SEMA3A: variants seen among roughly 807,000 people sequenced by gnomAD.
SEMA3A encodes semaphorin 3A, also known as semaphorin-3A.
In SEMA3A, 29 loss-of-function variants were observed where a neutral mutation model predicts 97.9. The ratio of observed to expected loss-of-function variants is 0.30; its 90% CI spans 0.22 to 0.40. The LOEUF (loss-of-function observed/expected upper bound fraction) is 0.40, where lower values mean the gene tolerates loss of function less well. Among genes scored for constraint, SEMA3A ranks in the 10% least tolerant of loss-of-function variants. SEMA3A has a pLI of 1.00. For synonymous variants in SEMA3A, 321 were observed against 323.7 expected, an observed-to-expected ratio of 0.99 and a Z score of 0.09; for missense variants, 763 against 951.3, an observed-to-expected ratio of 0.80 and a Z score of 2.60.
intron 1 of SEMA3A, among the ~76,000 whole-genome samples, chr7:84,149,576 C>T (rs17301441): frequency 0.16 from 23,796 of 152,146 alleles, 2,335 homozygotes; most frequent in South Asian, 0.27. Context: ...CAATGTCAAA[C>T]GTCAAATTCA....
chr7:84,291,426 T>C (rs1341957128), intron 3 of SEMA3A, among the ~76,000 whole-genome samples: 1 of 152,094 alleles, frequency 6.6e-6, no homozygotes, highest in Non-Finnish European at 1.5e-5. Flanking sequence ...TGGTGTATCT[T>C]ACATTCAATT....
At chr7:84,127,362 G>A (rs115654383) in intron 3 of SEMA3A, among the ~76,000 whole-genome samples, 3 of 151,750 alleles carry the variant, frequency 2.0e-5, no homozygotes, top group East Asian at 3.9e-4. Flanking sequence ...CCATTACTCC[G>A]ATGTTTCCTC....
At chr7:84,420,043 A>C (rs1190987487) in intron 1 of SEMA3A, among the ~76,000 whole-genome samples, 1 of 152,136 alleles carries the variant, frequency 6.6e-6, no homozygotes, top group African/African-American at 2.4e-5. Flanking sequence ...AAAGTTACTA[A>C]ATATATTTTT....
At chr7:84,019,482 G>A (rs1791238941) in intron 6 of SEMA3A, among the ~76,000 whole-genome samples, 1 of 151,470 alleles carries the variant, frequency 6.6e-6, no homozygotes. Flanking sequence ...AGGAAGGAAG[G>A]AGATATAGTT....
At chr7:84,359,639 C>G (rs373039165) in intron 2 of SEMA3A, among the ~76,000 whole-genome samples, 4 of 152,010 alleles carry the variant, frequency 2.6e-5, no homozygotes, top group East Asian at 1.9e-4. Context: ...GTATTAGGAT[C>G]ATGCTGGCCT....
chr7:84,262,325 C>T (rs565774385), intron 3 of SEMA3A, among the ~76,000 whole-genome samples: 29 of 152,144 alleles, frequency 1.9e-4, no homozygotes, highest in Admixed American at 3.3e-4. Context: ...AGCGATTCTC[C>T]TGCATCAGCC....
At chr7:84,486,890 C>T (rs1036153574) in intron 1 of SEMA3A, among the ~76,000 whole-genome samples, 3 of 151,626 alleles carry the variant, frequency 2.0e-5, no homozygotes, top group Admixed American at 2.0e-4. Flanking sequence ...TGCATCTCAC[C>T]AGAAAAAAAA....
chr7:84,451,434 A>C (rs1805551000), intron 1 of SEMA3A, among the ~76,000 whole-genome samples: 3 of 152,286 alleles, frequency 2.0e-5, no homozygotes, highest in African/African-American at 4.8e-5. Context: ...ATAACTCCTA[A>C]ATTGATTAAA....
At chr7:84,464,341 G>A (rs1300770883) in intron 1 of SEMA3A, among the ~76,000 whole-genome samples, 3 of 152,288 alleles carry the variant, frequency 2.0e-5, no homozygotes, top group Admixed American at 6.5e-5. Flanking sequence ...AAGTTATAAT[G>A]AAGTGACGAT....
chr7:84,133,655 T>C (rs1400837056), intron 2 of SEMA3A, among the ~76,000 whole-genome samples: 1 of 152,088 alleles, frequency 6.6e-6, no homozygotes, highest in Admixed American at 6.5e-5. Flanking sequence ...TTATCAGAAA[T>C]ACTGACTGTG....
intron 4 of SEMA3A, among the ~76,000 whole-genome samples, chr7:84,064,631 T>G (rs879862793): frequency 1.4e-3 from 214 of 151,338 alleles, no homozygotes; most frequent in Non-Finnish European, 2.3e-3. Context: ...TAGTCTCTGA[T>G]AAAACAGACT....
intron 1 of SEMA3A, among the ~76,000 whole-genome samples, chr7:84,391,305 T>C (rs1803568355): frequency 6.6e-6 from 1 of 152,052 alleles, no homozygotes; most frequent in Non-Finnish European, 1.5e-5. Flanking sequence ...AAGAACCTAG[T>C]AAAATCTGAG....
rs116379155 is a variant in SEMA3A, at chr7:84,153,311, A to C, written c.113-18360T>G. 5.4e-3 allele frequency among the ~76,000 whole-genome samples: 829 copies of C among 152,290 alleles called. 11 individuals carry two copies. Among genetic ancestry groups the C allele is most frequent in the African/African-American group, 0.019 (776 of 41,526 alleles). ...CAGGAGAGGCCTGTCATCCACATAC[A>C]TACAGTTGGTTATCATCTTTGTAGA... On this transcript the variant is annotated intron_variant, in intron 1 of 16. Transcript: ENST00000265362.
At chr7:84,251,225 T>C (rs557128961) in intron 3 of SEMA3A, among the ~76,000 whole-genome samples, 9 of 152,356 alleles carry the variant, frequency 5.9e-5, no homozygotes, top group African/African-American at 1.9e-4. Flanking sequence ...TCTGGTTCAA[T>C]ATCGTGTTTT....
At chr7:84,077,729 A>G (rs762206020) in intron 4 of SEMA3A, among the ~76,000 whole-genome samples, 6 of 152,068 alleles carry the variant, frequency 3.9e-5, no homozygotes, top group Non-Finnish European at 8.8e-5. Flanking sequence ...GTCAATTCTT[A>G]GCGATAATGC....
intron 4 of SEMA3A, among the ~76,000 whole-genome samples, chr7:84,065,627 G>A (rs10258732): frequency 0.07 from 10,512 of 151,058 alleles, 1,259 homozygotes; most frequent in African/African-American, 0.24. Context: ...TACCATCAGA[G>A]AATACTACAA....
chr7:84,426,352 A>G (rs527537150), intron 1 of SEMA3A, among the ~76,000 whole-genome samples: 5 of 152,164 alleles, frequency 3.3e-5, no homozygotes, highest in African/African-American at 1.2e-4. Context: ...ATAAAAATAT[A>G]TCTGTAATTC....
intron 14 of SEMA3A, among the ~76,000 whole-genome samples, chr7:83,980,511 A>G (rs1389348508): frequency 2.0e-5 from 3 of 149,612 alleles, no homozygotes; most frequent in Non-Finnish European, 4.4e-5. Context: ...AGGGTGAGAC[A>G]GGAGAATCTC....
intron 1 of SEMA3A, among the ~76,000 whole-genome samples, chr7:84,194,171 C>A (rs896133153): frequency 6.6e-6 from 1 of 151,950 alleles, no homozygotes. Flanking sequence ...GAATTAAAGT[C>A]GGAAAAATTA....
Sources: allele counts gnomAD v4.1 joint callset (sites outside exome capture counted in the v4.1 genomes callset), GRCh38; gene constraint gnomAD v4.1.1; transcripts MANE v1.5; gene names NCBI Gene and HGNC (gene_info 2026-07-23, HGNC 2026-07-21).